The following KCNC2 variants were observed in gnomAD, a reference collection of about 807,000 sequenced individuals.
The protein encoded by KCNC2 is potassium voltage-gated channel subfamily C member 2.
A neutral mutation model predicts 44.5 loss-of-function variants in KCNC2; 21 were observed. The ratio of observed to expected loss-of-function variants is 0.47; its 90% CI spans 0.33 to 0.68. KCNC2 has a LOEUF of 0.68. Ranked by LOEUF, KCNC2 falls within the 30% of genes least tolerant of loss-of-function variation. KCNC2 has a pLI of 0.01. For synonymous variants in KCNC2, 391 were observed against 339.1 expected (o/e 1.15, Z -1.68); for missense variants, 589 against 826.2 (o/e 0.71, Z 3.52).
chr12:75,049,849 G>GAGCTTTGTT (rs1252216527), intron 3 of KCNC2, among the ~76,000 whole-genome samples: 1 of 152,082 alleles, frequency 6.6e-6, no homozygotes, highest in Non-Finnish European at 1.5e-5. Context: ...TACTAGGGAA[G>GAGCTTTGTT]AGCTTTGTTA....
chr12:75,160,431 T>C (rs1479631345), intron 2 of KCNC2, among the ~76,000 whole-genome samples: 2 of 151,818 alleles, frequency 1.3e-5, no homozygotes, highest in South Asian at 2.1e-4. Context: ...TAGGATTTAC[T>C]AGAAACAGGC....
intron 2 of KCNC2, among the ~76,000 whole-genome samples, chr12:75,076,645 G>T (rs892354579): frequency 7.2e-5 from 11 of 152,138 alleles, no homozygotes; most frequent in African/African-American, 2.6e-4. Context: ...TTATTATTAG[G>T]TATTGTCAAT....
intron 2 of KCNC2, among the ~76,000 whole-genome samples, chr12:75,120,047 G>T (rs533801803): frequency 6.6e-6 from 1 of 152,038 alleles, no homozygotes; most frequent in Non-Finnish European, 1.5e-5. Flanking sequence ...TCTCCATCTC[G>T]CTTATAATTA....
chr12:75,203,233 T>A (rs61932909), intron 2 of KCNC2, among the ~76,000 whole-genome samples: 1 of 151,820 alleles, frequency 6.6e-6, no homozygotes, highest in Non-Finnish European at 1.5e-5. Flanking sequence ...ATTTAGATCA[T>A]GTCTTTCTTG....
chr12:75,173,158 T>C lies in KCNC2; in HGVS notation c.687+34139A>G, dbSNP rs189145649. The stretch of plus-strand genomic sequence containing the variant: ...TTCTACTCCATAATCACAATTTACG[T>C]CTTCTCCCTTTCACTATATCAATAG... On this transcript the variant is annotated intron_variant, in intron 2 of 4. Transcript: ENST00000549446. Among the ~76,000 whole-genome samples, 210 of 152,012 alleles carry C rather than the reference T, an allele frequency of 1.4e-3. 3 individuals carry two copies. The highest frequency in any genetic ancestry group is 4.3e-4 in the Non-Finnish European group (29 of 67,894).
chr12:75,201,246 G>C (rs1162856324), intron 2 of KCNC2, among the ~76,000 whole-genome samples: 1 of 60,738 alleles, frequency 1.6e-5, no homozygotes, highest in Non-Finnish European at 3.3e-5. Flanking sequence ...AGGGCAGAAA[G>C]TTACAAACGA....
intron 2 of KCNC2, among the ~76,000 whole-genome samples, chr12:75,051,551 G>A (rs1336477660): frequency 6.6e-6 from 1 of 152,102 alleles, no homozygotes; most frequent in African/African-American, 2.4e-5. Flanking sequence ...TTTGCTTTAT[G>A]TTGGAATATA....
At chr12:75,115,327 C>T (rs1592903855) in intron 2 of KCNC2, among the ~76,000 whole-genome samples, 1 of 152,128 alleles carries the variant, frequency 6.6e-6, no homozygotes, top group Non-Finnish European at 1.5e-5. Context: ...TTTATCTTCA[C>T]GATACTTCTA....
At chr12:75,069,851 C>T (rs1346586622) in intron 2 of KCNC2, among the ~76,000 whole-genome samples, 1 of 152,028 alleles carries the variant, frequency 6.6e-6, no homozygotes, top group African/African-American at 2.4e-5. Context: ...CTAGGGAGAC[C>T]CAGGGAAGTA....
chr12:75,080,529 A>G (rs955692453), intron 2 of KCNC2, among the ~76,000 whole-genome samples: 3 of 152,156 alleles, frequency 2.0e-5, no homozygotes, highest in Non-Finnish European at 4.4e-5. Flanking sequence ...TACAAAAGAA[A>G]CAACAAAGCA....
intron 2 of KCNC2, among the ~76,000 whole-genome samples, chr12:75,148,745 T>C (rs1191970906): frequency 6.6e-6 from 1 of 151,960 alleles, no homozygotes. Context: ...CCAATTTCTT[T>C]AAAGAACATT....
intron 2 of KCNC2, among the ~76,000 whole-genome samples, chr12:75,190,358 T>C (rs984951225): frequency 6.6e-6 from 1 of 152,178 alleles, no homozygotes; most frequent in Admixed American, 6.5e-5. Context: ...ACACCCCTTA[T>C]CTCCTTTGGC....
At position 75,041,876 on chromosome 12, in the gene KCNC2, G is replaced by T; in HGVS notation, c.*1229C>A. The T allele has an allele frequency of 1.0e-6, 1 of 990,570 alleles. No individual in the cohort carries two copies. Among genetic ancestry groups the T allele is most frequent in the Non-Finnish European group, 1.2e-6 (1 of 833,508 alleles). 61.4% of individuals were successfully genotyped at this position (990,570 alleles called of 1,614,324 possible). On this transcript the variant is annotated 3_prime_UTR_variant, in exon 5 of 5. Transcript: ENST00000549446. ...AAAATGGTATGGAGTCGGGTTTGGAGGGAGTAAATATTAAAATCATAAACA... is the reference window on the plus strand; with the variant it reads ...AAAATGGTATGGAGTCGGGTTTGGATGGAGTAAATATTAAAATCATAAACA...
intron 2 of KCNC2, among the ~76,000 whole-genome samples, chr12:75,131,783 A>G (rs1237647217): frequency 1.3e-5 from 2 of 152,170 alleles, no homozygotes; most frequent in Non-Finnish European, 2.9e-5. Flanking sequence ...AACTGAATTC[A>G]TCCAACATCT....
chr12:75,162,096 T>C (rs1891158501), intron 2 of KCNC2, among the ~76,000 whole-genome samples: 1 of 151,708 alleles, frequency 6.6e-6, no homozygotes, highest in South Asian at 2.1e-4. Flanking sequence ...GTAGTCACAT[T>C]CTCATTTTCT....
intron 4 of KCNC2, chr12:75,043,610 G>T: frequency 1.6e-6 from 2 of 1,223,022 alleles, no homozygotes; most frequent in Non-Finnish European, 2.1e-6. Flanking sequence ...ATGTATTCTT[G>T]AAAAAAAGAG....
chr12:75,093,678 A>G (rs544654692), intron 2 of KCNC2, among the ~76,000 whole-genome samples: 5 of 151,672 alleles, frequency 3.3e-5, no homozygotes, highest in Non-Finnish European at 7.4e-5. Context: ...TCTTAACATA[A>G]TGTGACATTG....
intron 2 of KCNC2, among the ~76,000 whole-genome samples, chr12:75,064,943 A>G (rs1273294645): frequency 2.6e-5 from 4 of 151,958 alleles, no homozygotes; most frequent in Admixed American, 2.0e-4. Flanking sequence ...TCTACTACAT[A>G]TGTGTGTGTG....
At chr12:75,066,335 T>C (rs1323345985) in intron 2 of KCNC2, among the ~76,000 whole-genome samples, 1 of 152,158 alleles carries the variant, frequency 6.6e-6, no homozygotes, top group Non-Finnish European at 1.5e-5. Context: ...TTGGAAGTAA[T>C]ATTAAGGATT....
Sources: gnomAD v4.1 joint callset for allele counts (sites outside exome capture counted in the v4.1 genomes callset) on GRCh38, gnomAD v4.1.1 for gene constraint, MANE v1.5 for transcripts, NCBI Gene and HGNC (gene_info 2026-07-23, HGNC 2026-07-21) for gene names.